The following YEATS4 variants were observed in gnomAD, a reference collection of about 807,000 sequenced individuals.
The protein encoded by YEATS4 is YEATS domain-containing protein 4.
Under a neutral mutation model 30.1 loss-of-function variants are expected in YEATS4, and 17 were observed. The observed-to-expected ratio is 0.56, with a 90% confidence interval of 0.39 to 0.85. YEATS4 has a LOEUF of 0.85. Ranked by LOEUF, YEATS4 falls within the 40% of genes least tolerant of loss-of-function variation. YEATS4 has a pLI of 0.00. For synonymous variants in YEATS4, 85 were observed against 87.5 expected (o/e 0.97, Z 0.16); for missense variants, 142 against 268.3 (o/e 0.53, Z 3.29).
chr12:69,393,621 A>G (rs1030222231), downstream of YEATS4, among the ~76,000 whole-genome samples: 1 of 152,158 alleles, frequency 6.6e-6, no homozygotes, highest in Non-Finnish European at 1.5e-5. Flanking sequence ...GGAAAGTACA[A>G]TGCAAAACCC....
At chr12:69,365,518 C>A in intron 2 of YEATS4, 115 bp from the exon 3 acceptor site, 3 of 694,564 alleles carry the variant, frequency 4.3e-6, no homozygotes, top group Non-Finnish European at 7.1e-6. Context: ...AATTAGATTC[C>A]ATAAAATTTG....
At position 69,390,421 on chromosome 12, in the gene YEATS4, CA is replaced by C; in HGVS notation, c.*106del. The C allele has an allele frequency of 9.7e-7, 1 of 1,033,562 alleles. No homozygotes were observed. The highest frequency in any genetic ancestry group is 2.8e-5 in the East Asian group (1 of 35,362). The allele number at this position is 1,033,562 out of a possible 1,614,324, so 64.0% of individuals were successfully genotyped here. On this transcript the variant is annotated 3_prime_UTR_variant, in exon 7 of 7. Transcript: ENST00000247843. Reference sequence around the variant, plus strand: ...GCTGTGATGTTTCTTAGAGGAACTTCATATACAGCTGTTGACCATGAATTTC... The same window carrying C: ...GCTGTGATGTTTCTTAGAGGAACTTCTATACAGCTGTTGACCATGAATTTC...
chr12:69,410,397 C>T, the YEATS4 span, among the ~76,000 whole-genome samples: 2 of 152,166 alleles, frequency 1.3e-5, no homozygotes, highest in African/African-American at 4.8e-5. Context: ...TTCTTCTCAG[C>T]TTCTTATTAA....
chr12:69,369,545 T>C (rs573221952), intron 4 of YEATS4, among the ~76,000 whole-genome samples: 1 of 152,326 alleles, frequency 6.6e-6, no homozygotes, highest in South Asian at 2.1e-4. Flanking sequence ...AGTTCTGAGC[T>C]TGGAGCACTG....
the YEATS4 span, among the ~76,000 whole-genome samples, chr12:69,415,742 CT>C: frequency 6.6e-6 from 1 of 152,144 alleles, no homozygotes; most frequent in Non-Finnish European, 1.5e-5. Flanking sequence ...GATTCACTGC[CT>C]GTGATCCCCT....
chr12:69,373,051 G>A (rs536743999), intron 6 of YEATS4, among the ~76,000 whole-genome samples: 1 of 152,086 alleles, frequency 6.6e-6, no homozygotes, highest in African/African-American at 2.4e-5. Context: ...TGGACACTTG[G>A]GTTGCTTTCA....
At chr12:69,392,735 A>G (rs1017416857), downstream of YEATS4, among the ~76,000 whole-genome samples, 14 of 152,206 alleles carry the variant, frequency 9.2e-5, no homozygotes, top group Non-Finnish European at 1.8e-4. Context: ...TTAAGGAACT[A>G]TAGCTTGGTG....
chr12:69,397,157 T>A, the YEATS4 span, among the ~76,000 whole-genome samples: 1 of 152,182 alleles, frequency 6.6e-6, no homozygotes, highest in Non-Finnish European at 1.5e-5. Flanking sequence ...CTGGGATTTA[T>A]CTCAGGAATG....
At chr12:69,423,965 G>A in the YEATS4 span, among the ~76,000 whole-genome samples, 2 of 152,140 alleles carry the variant, frequency 1.3e-5, no homozygotes, top group African/African-American at 4.8e-5. Context: ...TGAGAAGAAA[G>A]CATTTTATTG....
At chr12:69,390,894 T>C (rs896381455), downstream of YEATS4, 2 of 152,278 alleles carry the variant, frequency 1.3e-5, no homozygotes, top group Admixed American at 1.3e-4. Flanking sequence ...TCACATCTCT[T>C]ATTGGCACTC....
chr12:69,362,939 C>A (rs769667900), intron 2 of YEATS4, 32 bp downstream of exon 2: 5 of 1,239,838 alleles, frequency 4.0e-6, no homozygotes, highest in Admixed American at 2.7e-5. Context: ...AACTGTTTTA[C>A]TTAAAGTTGT....
chr12:69,387,009 C>G (rs1407874424), intron 6 of YEATS4, among the ~76,000 whole-genome samples: 1 of 152,008 alleles, frequency 6.6e-6, no homozygotes, highest in Admixed American at 6.5e-5. Context: ...CCCCACCCCC[C>G]AAAAAAATCT....
At chr12:69,393,482 GA>G (rs1321393394), downstream of YEATS4, among the ~76,000 whole-genome samples, 1 of 133,286 alleles carries the variant, frequency 7.5e-6, no homozygotes, top group East Asian at 2.1e-4. Flanking sequence ...AAAAAAGAAA[GA>G]AAATGAGATC....
the YEATS4 span, among the ~76,000 whole-genome samples, chr12:69,399,683 G>A: frequency 1.3e-5 from 2 of 152,154 alleles, no homozygotes; most frequent in African/African-American, 4.8e-5. Flanking sequence ...AAAAACTTGT[G>A]CATGAATATT....
At chr12:69,379,614 TTTTTTTG>T (rs1875994873) in intron 6 of YEATS4, among the ~76,000 whole-genome samples, 1 of 80,792 alleles carries the variant, frequency 1.2e-5, no homozygotes, top group Non-Finnish European at 2.7e-5. Context: ...TTTTTTTTTT[TTTTTTTG>T]GTGGAGATGG....
chr12:69,395,291 C>G (rs1179828108), downstream of YEATS4, among the ~76,000 whole-genome samples: 1 of 151,762 alleles, frequency 6.6e-6, no homozygotes, highest in Non-Finnish European at 1.5e-5. Flanking sequence ...TTCATTACAG[C>G]ATTATTTACA....
chr12:69,373,279 C>T (rs1875714416), intron 6 of YEATS4, among the ~76,000 whole-genome samples: 1 of 152,170 alleles, frequency 6.6e-6, no homozygotes, highest in Non-Finnish European at 1.5e-5. Flanking sequence ...GTTCCCTTTT[C>T]TCTGCATCCT....
chr12:69,406,775 T>C, the YEATS4 span, among the ~76,000 whole-genome samples: 1 of 152,126 alleles, frequency 6.6e-6, no homozygotes, highest in Non-Finnish European at 1.5e-5. Flanking sequence ...AATTATTCTT[T>C]TATTATTAGA....
At chr12:69,398,418 A>T in the YEATS4 span, among the ~76,000 whole-genome samples, 75 of 152,190 alleles carry the variant, frequency 4.9e-4, no homozygotes, top group African/African-American at 1.6e-3. Flanking sequence ...AGCAATGAAC[A>T]ATCTGAAAAT....
Sources: gnomAD v4.1 joint callset for allele counts (sites outside exome capture counted in the v4.1 genomes callset) on GRCh38, gnomAD v4.1.1 for gene constraint, MANE v1.5 for transcripts, NCBI Gene and HGNC (gene_info 2026-07-23, HGNC 2026-07-21) for gene names.